DMXL1: variants seen among roughly 807,000 people sequenced by gnomAD.
DMXL1 encodes Dmx like 1.
A neutral mutation model predicts 319.2 loss-of-function variants in DMXL1; 99 were observed. The ratio of observed to expected loss-of-function variants is 0.31; its 90% CI spans 0.26 to 0.37. DMXL1 has a LOEUF of 0.37. Ranked by LOEUF, DMXL1 falls within the 10% of genes least tolerant of loss-of-function variation. The probability of loss-of-function intolerance (pLI) is 1.00; values close to 1 mark genes in which losing one functional copy is unlikely to be tolerated. For missense variants in DMXL1, 3,745 were observed against 3,595.6 expected, an observed-to-expected ratio of 1.04 and a Z score of -1.06; for synonymous variants, 1,385 against 1,235.2, an observed-to-expected ratio of 1.12 and a Z score of -2.54.
intron 10 of DMXL1, among the ~76,000 whole-genome samples, chr5:119,130,816 T>C (rs1391203073): frequency 6.6e-6 from 1 of 152,162 alleles, no homozygotes; most frequent in Non-Finnish European, 1.5e-5. Flanking sequence ...TCTTTTTCTT[T>C]TTTCTGTGAG....
intron 21 of DMXL1, 24 bp downstream of exon 21, chr5:119,165,304 A>AAAAAAAT: frequency 1.0e-6 from 1 of 965,760 alleles, no homozygotes. Context: ...AAAAAAAAAA[A>AAAAAAAT]GGGTGCTTCA....
intron 20 of DMXL1, 28 bp downstream of exon 20, chr5:119,164,704 G>T: frequency 6.5e-7 from 1 of 1,538,238 alleles, no homozygotes; most frequent in South Asian, 1.3e-5. Flanking sequence ...GTGTATAAGT[G>T]AATTAATATT....
chr5:119,197,664 C>A, intron 31 of DMXL1, 91 bp from the exon 32 acceptor site: 2 of 1,135,822 alleles, frequency 1.8e-6, no homozygotes, highest in Non-Finnish European at 2.6e-6. Context: ...TTTCCTGCAT[C>A]TGCTCTCCCC....
intron 25 of DMXL1, among the ~76,000 whole-genome samples, chr5:119,174,280 G>A (rs752372438): frequency 1.3e-5 from 2 of 152,070 alleles, no homozygotes; most frequent in African/African-American, 4.8e-5. Flanking sequence ...AGAGCAGCAA[G>A]AATAGAATTT....
At chr5:119,090,874 G>A (rs1371095876) in intron 1 of DMXL1, among the ~76,000 whole-genome samples, 1 of 151,576 alleles carries the variant, frequency 6.6e-6, no homozygotes, top group African/African-American at 2.4e-5. Context: ...AGTCCTCTGT[G>A]TGTTTTTAAA....
At chr5:119,223,537 G>C (rs1383221991) in intron 37 of DMXL1, among the ~76,000 whole-genome samples, 1 of 152,084 alleles carries the variant, frequency 6.6e-6, no homozygotes, top group Non-Finnish European at 1.5e-5. Flanking sequence ...TAACACTAAG[G>C]ATTGAATTTT....
At chr5:119,206,949 C>G (rs1371229610) in intron 34 of DMXL1, 53 bp downstream of exon 34, 1 of 1,118,300 alleles carries the variant, frequency 8.9e-7, no homozygotes, top group African/African-American at 1.6e-5. Flanking sequence ...CACAAAAGAA[C>G]AAAGCATTTG....
chr5:119,121,282 T>A (rs10056088), intron 9 of DMXL1, 143 bp downstream of exon 9: 274,696 of 588,380 alleles, frequency 0.47, 71,332 homozygotes, highest in East Asian at 0.97. Context: ...TCTTTTTTTT[T>A]AATTTATTAT....
rs1339032102 is a variant in DMXL1, at chr5:119,132,018, G to C, written c.1316-1114G>C. Among the ~76,000 whole-genome samples, 8 of 152,248 alleles carry C rather than the reference G, an allele frequency of 5.3e-5. No homozygotes were observed. The South Asian group carries it at 1.7e-3, about 32-fold the overall frequency. On this transcript the variant is annotated intron_variant, in intron 10 of 43. Coordinates refer to ENST00000539542, the MANE Select transcript of DMXL1 (RefSeq NM_001290321.3). ...AAATAAAAAGAGTCTTCTTCATTATGCAGATCTGGGCATATTGTACAATAC... is the reference window on the plus strand; with the variant it reads ...AAATAAAAAGAGTCTTCTTCATTATCCAGATCTGGGCATATTGTACAATAC...
At chr5:119,197,669 C>T (rs1474247553) in intron 31 of DMXL1, 86 bp from the exon 32 acceptor site, 3 of 1,195,514 alleles carry the variant, frequency 2.5e-6, no homozygotes, top group Admixed American at 1.9e-5. Flanking sequence ...TGCATCTGCT[C>T]TCCCCTCTCT....
intron 3 of DMXL1, among the ~76,000 whole-genome samples, chr5:119,103,795 A>G (rs1246997254): frequency 6.6e-6 from 1 of 152,224 alleles, no homozygotes; most frequent in African/African-American, 2.4e-5. Flanking sequence ...ATTAAATAAA[A>G]TAAGTAGCTT....
intron 19 of DMXL1, among the ~76,000 whole-genome samples, chr5:119,157,958 A>G (rs1035635052): frequency 6.6e-6 from 1 of 152,208 alleles, no homozygotes; most frequent in Non-Finnish European, 1.5e-5. Context: ...TAATTTTTCC[A>G]ATCTGTGAAC....
chr5:119,199,726 C>G (rs2150429188), intron 32 of DMXL1, among the ~76,000 whole-genome samples: 1 of 152,314 alleles, frequency 6.6e-6, no homozygotes, highest in Middle Eastern at 3.4e-3. Flanking sequence ...TTCCCAGCAT[C>G]TGTTATTTTT....
intron 40 of DMXL1, among the ~76,000 whole-genome samples, chr5:119,237,959 A>G (rs1483930927): frequency 2.6e-5 from 4 of 152,044 alleles, no homozygotes; most frequent in African/African-American, 7.2e-5. Flanking sequence ...TATCAGAAAA[A>G]AAGTTAAGAA....
chr5:119,140,651 A>T (rs1042018671), intron 13 of DMXL1, among the ~76,000 whole-genome samples: 1 of 152,112 alleles, frequency 6.6e-6, no homozygotes, highest in Non-Finnish European at 1.5e-5. Context: ...GATCTGAGGG[A>T]TTCATAGCTG....
At chr5:119,134,536 T>TCTG in intron 13 of DMXL1, 147 bp downstream of exon 13, 1 of 733,620 alleles carries the variant, frequency 1.4e-6, no homozygotes. Flanking sequence ...TGTACTCTTG[T>TCTG]AATGATTTAA....
Position 119,197,843 on chromosome 5 carries a change from T to G in DMXL1, c.7632T>G (p.His2544Gln). ...EQVLLRRLEI[H>Q]GGPPQNYIAS... Reference sequence around the variant, plus strand: ...TTCTTCTCCGACGACTTGAAATCCATGGTGGGCCACCTCAAAATTATATCG... The same window carrying G: ...TTCTTCTCCGACGACTTGAAATCCAGGGTGGGCCACCTCAAAATTATATCG... Residue 2544 changes from histidine to glutamine, a missense_variant, in exon 32 of 44, where the codon CAT (histidine) becomes CAG (glutamine). This residue lies in a region of DMXL1 where 1,382 missense variants were observed against 1,269.5 expected (regional missense o/e 1.09). Transcript: ENST00000539542. 1 of 1,614,186 alleles carries G rather than the reference T, an allele frequency of 6.2e-7. No individual in the cohort carries two copies. The highest frequency in any genetic ancestry group is 8.5e-7 in the Non-Finnish European group (1 of 1,180,016).
chr5:119,127,985 C>A, intron 9 of DMXL1: 1 of 405,186 alleles, frequency 2.5e-6, no homozygotes. Flanking sequence ...ATAAACAACC[C>A]TGCACCCTGT....
At chr5:119,167,976 C>G in intron 23 of DMXL1, 112 bp downstream of exon 23, 1 of 1,034,440 alleles carries the variant, frequency 9.7e-7, no homozygotes, top group Non-Finnish European at 1.3e-6. Context: ...AATTCATGGT[C>G]TTTATAACAG....
Sources: gnomAD v4.1 joint callset for allele counts (sites outside exome capture counted in the v4.1 genomes callset) on GRCh38, gnomAD v4.1.1 for gene constraint, gnomAD v4.1.1 regional missense constraint, MANE v1.5 for transcripts, NCBI Gene and HGNC (gene_info 2026-07-23, HGNC 2026-07-21) for gene names.